PAK1: variants seen among roughly 807,000 people sequenced by gnomAD.
The protein encoded by PAK1 is serine/threonine-protein kinase PAK 1.
In PAK1, 29 loss-of-function variants were observed where a neutral mutation model predicts 67.4. The ratio of observed to expected loss-of-function variants is 0.43; its 90% CI spans 0.32 to 0.59. The LOEUF (loss-of-function observed/expected upper bound fraction) is 0.59. Among genes scored for constraint, PAK1 ranks in the 20% least tolerant of loss-of-function variants. The pLI, the probability that PAK1 is intolerant of heterozygous loss-of-function variation, is 0.07. For synonymous variants in PAK1, 223 were observed against 237.4 expected (o/e 0.94, Z 0.56); for missense variants, 337 against 670.7 (o/e 0.50, Z 5.50).
At chr11:77,462,262 C>T (rs1420360215) in intron 1 of PAK1, among the ~76,000 whole-genome samples, 1 of 150,804 alleles carries the variant, frequency 6.6e-6, no homozygotes, top group Admixed American at 6.6e-5. Flanking sequence ...ACCCGGGAGG[C>T]GGAGCTTGCA....
At chr11:77,402,241 AGAG>A (rs1952799041) in intron 1 of PAK1, among the ~76,000 whole-genome samples, 1 of 152,180 alleles carries the variant, frequency 6.6e-6, no homozygotes, top group Non-Finnish European at 1.5e-5. Flanking sequence ...TCCTACAATT[AGAG>A]AAGAATGAGA....
intron 13 of PAK1, among the ~76,000 whole-genome samples, chr11:77,335,342 T>G (rs1418201399): frequency 6.6e-6 from 1 of 152,216 alleles, no homozygotes; most frequent in Non-Finnish European, 1.5e-5. Context: ...CCAGCTCCAC[T>G]TAAATGTCCA....
chr11:77,345,187 G>C (rs768885886), intron 9 of PAK1, among the ~76,000 whole-genome samples: 2 of 151,970 alleles, frequency 1.3e-5, no homozygotes, highest in Non-Finnish European at 2.9e-5. Flanking sequence ...TGTGTGTATT[G>C]AGAGGTTTGA....
chr11:77,485,845 C>T, the PAK1 span, among the ~76,000 whole-genome samples: 1 of 152,182 alleles, frequency 6.6e-6, no homozygotes, highest in African/African-American at 2.4e-5. Flanking sequence ...TCTGATTCTT[C>T]GGTTGCAACT....
intron 8 of PAK1, among the ~76,000 whole-genome samples, chr11:77,352,562 AC>A (rs1373506272): frequency 1.3e-5 from 2 of 152,176 alleles, no homozygotes; most frequent in Non-Finnish European, 2.9e-5. Context: ...TATAAAGTCT[AC>A]AGTAGCGTAC....
At chr11:77,348,620 G>A (rs535981309) in intron 9 of PAK1, among the ~76,000 whole-genome samples, 2 of 152,294 alleles carry the variant, frequency 1.3e-5, no homozygotes, top group Admixed American at 6.5e-5. Flanking sequence ...CAATCAGGCA[G>A]TATCCAATTT....
the PAK1 span, among the ~76,000 whole-genome samples, chr11:77,484,803 C>T: frequency 6.6e-6 from 1 of 152,290 alleles, no homozygotes; most frequent in African/African-American, 2.4e-5. Context: ...CTGTATTAGT[C>T]TGTTTTCACG....
chr11:77,490,337 T>TCCGGGAGGGAGGTGGGGGGGG, the PAK1 span, among the ~76,000 whole-genome samples: 1 of 96,898 alleles, frequency 1.0e-5, no homozygotes. Context: ...GGTGGGGGGG[T>TCCGGGAGGGAGGTGGGGGGGG]CAGCCCCCCA....
At chr11:77,465,718 C>T (rs1326705262) in intron 1 of PAK1, among the ~76,000 whole-genome samples, 4 of 152,026 alleles carry the variant, frequency 2.6e-5, no homozygotes, top group East Asian at 3.9e-4. Flanking sequence ...AATTCCAGCA[C>T]GTTGGGAGGC....
the PAK1 span, among the ~76,000 whole-genome samples, chr11:77,493,928 G>A: frequency 6.6e-6 from 1 of 152,130 alleles, no homozygotes; most frequent in African/African-American, 2.4e-5. Flanking sequence ...GGTTTGATGT[G>A]TTTAAGAATA....
chr11:77,454,883 T>C (rs1957015482), intron 1 of PAK1, among the ~76,000 whole-genome samples: 1 of 152,192 alleles, frequency 6.6e-6, no homozygotes, highest in East Asian at 1.9e-4. Flanking sequence ...CCCTAGAAAT[T>C]CTTGTAGTTC....
At chr11:77,371,718 T>C (rs952978983) in intron 5 of PAK1, among the ~76,000 whole-genome samples, 1 of 152,216 alleles carries the variant, frequency 6.6e-6, no homozygotes, top group African/African-American at 2.4e-5. Context: ...TAAGGATATA[T>C]AGAGCACTGA....
intron 1 of PAK1, among the ~76,000 whole-genome samples, chr11:77,393,133 G>C (rs976851857): frequency 6.6e-6 from 1 of 151,798 alleles, no homozygotes; most frequent in African/African-American, 2.4e-5. Flanking sequence ...GATGCTGGCA[G>C]AGTTCAGTAG....
intron 1 of PAK1, among the ~76,000 whole-genome samples, chr11:77,421,488 G>A (rs769339449): frequency 6.6e-6 from 1 of 152,122 alleles, no homozygotes; most frequent in African/African-American, 2.4e-5. Context: ...ATCATCAACT[G>A]ACATTTATTT....
the PAK1 span, among the ~76,000 whole-genome samples, chr11:77,506,858 G>C: frequency 6.6e-6 from 1 of 152,128 alleles, no homozygotes; most frequent in African/African-American, 2.4e-5. Context: ...CAAACTTAGG[G>C]TTGGGGAGAA....
the PAK1 span, among the ~76,000 whole-genome samples, chr11:77,529,720 A>G: frequency 6.6e-6 from 1 of 152,230 alleles, no homozygotes; most frequent in African/African-American, 2.4e-5. Context: ...GATGTTTAGC[A>G]GAGTTTTGAA....
At chr11:77,408,140 T>G (rs999509615) in intron 1 of PAK1, 4 of 152,258 alleles carry the variant, frequency 2.6e-5, no homozygotes, top group African/African-American at 9.6e-5. Flanking sequence ...TGTGCTTCCT[T>G]CTACAATACT....
At chr11:77,337,006 TC>T (rs1433881849) in intron 12 of PAK1, among the ~76,000 whole-genome samples, 1 of 151,480 alleles carries the variant, frequency 6.6e-6, no homozygotes, top group African/African-American at 2.4e-5. Context: ...AACTCTTTTT[TC>T]TAATTATCTA....
Position 77,380,025 on chromosome 11 carries a change from A to G in PAK1, c.191-31T>C, listed in dbSNP as rs759884292. 5.9e-6 allele frequency: 9 copies of G among 1,524,142 alleles called. No homozygotes were observed. The East Asian group carries it at 1.8e-4, about 30-fold the overall frequency. 94.4% of individuals were successfully genotyped at this position (1,524,142 alleles called of 1,614,324 possible). ...AGAGAAACAGGCAAAAGGAAATAAA[A>G]AACAGGAACATTATTGTTTTTAGGC... On this transcript the variant is annotated intron_variant, in intron 2 of 14. Transcript: ENST00000356341.
Sources: gnomAD v4.1 joint callset for allele counts (sites outside exome capture counted in the v4.1 genomes callset) on GRCh38, gnomAD v4.1.1 for gene constraint, MANE v1.5 for transcripts, NCBI Gene and HGNC (gene_info 2026-07-23, HGNC 2026-07-21) for gene names.